The following PTCHD4 variants were observed in gnomAD, a reference collection of about 807,000 sequenced individuals.
PTCHD4 encodes the protein patched domain-containing protein 4.
Under a neutral mutation model 58.1 loss-of-function variants are expected in PTCHD4, and 33 were observed. That is an observed-to-expected ratio of 0.57 (90% CI 0.43 to 0.76). The LOEUF is 0.76. Among genes scored for constraint, PTCHD4 ranks in the 30% least tolerant of loss-of-function variants. The probability of loss-of-function intolerance (pLI) is 0.00; values close to 1 mark genes in which losing one functional copy is unlikely to be tolerated. For synonymous variants in PTCHD4, 478 were observed against 409.6 expected, an observed-to-expected ratio of 1.17 and a Z score of -2.02; for missense variants, 1,058 against 1,027.1, an observed-to-expected ratio of 1.03 and a Z score of -0.41.
At chr6:48,091,017 T>C (rs1214565363) in intron 1 of PTCHD4, among the ~76,000 whole-genome samples, 1 of 152,168 alleles carries the variant, frequency 6.6e-6, no homozygotes, top group Non-Finnish European at 1.5e-5. Context: ...TTTGAAAATT[T>C]CACAGTAAGC....
At chr6:47,948,831 T>TTA (rs1766514880) in intron 4 of PTCHD4, among the ~76,000 whole-genome samples, 1 of 152,114 alleles carries the variant, frequency 6.6e-6, no homozygotes, top group Non-Finnish European at 1.5e-5. Flanking sequence ...TCCTAGAACT[T>TTA]TATATTTATA....
At chr6:47,990,944 T>C (rs1169779544) in intron 4 of PTCHD4, among the ~76,000 whole-genome samples, 1 of 152,120 alleles carries the variant, frequency 6.6e-6, no homozygotes, top group Non-Finnish European at 1.5e-5. Context: ...AGAAGAAAAT[T>C]AGCAAACTGT....
chr6:47,880,349 T>G (rs1043234408), intron 4 of PTCHD4, among the ~76,000 whole-genome samples: 1 of 152,208 alleles, frequency 6.6e-6, no homozygotes, highest in Admixed American at 6.5e-5. Context: ...ATTCATTGAC[T>G]GACAGTTCCT....
chr6:47,879,486 T>C lies in PTCHD4; in HGVS notation c.1349A>G (p.His450Arg). 2.5e-6 allele frequency: 4 copies of C among 1,613,750 alleles called. No homozygotes were observed. The highest frequency in any genetic ancestry group is 8.5e-7 in the Non-Finnish European group (1 of 1,179,764). ...HHFIQHFLRE[H>R]YNEWITNIYV... is the part of the protein sequence containing the mutation. ...TATATTGGTAATCCATTCATTATAATGTTCACGGAGGAAGTGCTGAATGAA... is the reference window on the plus strand; with the variant it reads ...TATATTGGTAATCCATTCATTATAACGTTCACGGAGGAAGTGCTGAATGAA... Residue 450 changes from histidine (H) to arginine (R), a missense_variant, in exon 5 of 5, where the codon CAT (histidine) becomes CGT (arginine). By Grantham distance (29) the His-to-Arg change is conservative. Transcript: ENST00000339488.
intron 1 of PTCHD4, among the ~76,000 whole-genome samples, chr6:48,107,102 TTA>T (rs369079390): frequency 0.041 from 6,270 of 152,106 alleles, 172 homozygotes; most frequent in Non-Finnish European, 0.062. Flanking sequence ...AAAAACTACT[TTA>T]AAGTTCATAT....
intron 4 of PTCHD4, among the ~76,000 whole-genome samples, chr6:47,965,365 A>G (rs1353231193): frequency 6.6e-6 from 1 of 152,210 alleles, no homozygotes; most frequent in East Asian, 1.9e-4. Flanking sequence ...GTTGTTCTTG[A>G]AGTTTTAAAA....
At position 48,104,471 on chromosome 6, in the gene PTCHD4, C is replaced by A. The variant is rs182535603; in HGVS notation, c.-970+6578G>T. On this transcript the variant is annotated intron_variant, in intron 1 of 4. Coordinates refer to ENST00000339488, the MANE Select transcript of PTCHD4 (RefSeq NM_001384253.1). ...AGGAAGCACTAAACATGGAAAGGAA[C>A]AACCGGTACCAGCCAGTGCAAAAAC... 1.1e-3 allele frequency among the ~76,000 whole-genome samples: 162 copies of A among 152,296 alleles called. 3 individuals carry two copies. In the East Asian group the frequency reaches 0.023, roughly 21 times the overall value.
intron 4 of PTCHD4, among the ~76,000 whole-genome samples, chr6:47,911,517 C>T (rs1176889128): frequency 2.0e-5 from 3 of 152,128 alleles, no homozygotes; most frequent in South Asian, 4.1e-4. Flanking sequence ...CCATATAGGA[C>T]CTTGTGTAAC....
chr6:48,068,964 C>T lies in PTCHD4; in HGVS notation c.-7G>A, dbSNP rs532745582. On this transcript the variant is annotated 5_prime_UTR_variant, in exon 2 of 5. Transcript: ENST00000339488. The surrounding 1 kb of genome is among the most constrained non-coding windows in gnomAD (Gnocchi z 4.2). ...GCGCTGGCTCTCACCGCATGAGCAG[C>T]GTTCCCTCGGTCTAGCCCTTCATCT... Among the ~76,000 whole-genome samples the T allele has an allele frequency of 6.6e-6, 1 of 151,614 alleles. No individual in the cohort carries two copies. The highest frequency in any genetic ancestry group is 2.1e-4 in the South Asian group (1 of 4,756).
chr6:48,043,843 AG>A (rs1167082928), intron 3 of PTCHD4, among the ~76,000 whole-genome samples: 1 of 151,904 alleles, frequency 6.6e-6, no homozygotes, highest in Non-Finnish European at 1.5e-5. Context: ...GAATTCTAGC[AG>A]ATCTTAAGAC....
chr6:48,059,907 G>A (rs534078750), intron 3 of PTCHD4, among the ~76,000 whole-genome samples: 40 of 151,934 alleles, frequency 2.6e-4, no homozygotes, highest in African/African-American at 8.2e-4. Context: ...CCTCTCACCC[G>A]TCAGATCTCT....
Position 47,866,387 on chromosome 6 carries a change from A to G in PTCHD4, c.*11916T>C, listed in dbSNP as rs144727010. On this transcript the variant is annotated 3_prime_UTR_variant, in exon 5 of 5. Coordinates refer to ENST00000339488, the MANE Select transcript of PTCHD4 (RefSeq NM_001384253.1). ...ATGAAGTCTGGGCATTGAGACTTTA[A>G]ACATCTCTCTAGGTCATTCCAAAGT... 1.5e-3 allele frequency among the ~76,000 whole-genome samples: 234 copies of G among 151,958 alleles called. 2 individuals are homozygous for G. The highest frequency in any genetic ancestry group is 5.5e-3 in the African/African-American group (229 of 41,530).
chr6:47,871,011 A>G lies in PTCHD4; in HGVS notation c.*7292T>C, dbSNP rs548899493. Reference sequence around the variant, plus strand: ...AGTGTTAATACATCAAAGTTTCATAATTTCATACATTTAGTCACCCTTCTT... The same window carrying G: ...AGTGTTAATACATCAAAGTTTCATAGTTTCATACATTTAGTCACCCTTCTT... On this transcript the variant is annotated 3_prime_UTR_variant, in exon 5 of 5. Coordinates refer to ENST00000339488, the MANE Select transcript of PTCHD4 (RefSeq NM_001384253.1). 2.6e-5 allele frequency among the ~76,000 whole-genome samples: 4 copies of G among 151,750 alleles called. No homozygotes were observed. The highest frequency in any genetic ancestry group is 2.1e-4 in the South Asian group (1 of 4,824).
chr6:48,021,356 G>A (rs1763064667), intron 3 of PTCHD4, among the ~76,000 whole-genome samples: 1 of 152,020 alleles, frequency 6.6e-6, no homozygotes, highest in South Asian at 2.1e-4. Flanking sequence ...CCTTGCACTT[G>A]GCTAAATGGT....
rs796436096 is a variant in PTCHD4 at position 48,022,920 on chromosome 6, A to G, written c.418-13806T>C. Among the ~76,000 whole-genome samples the G allele has an allele frequency of 5.9e-5, 9 of 152,266 alleles. 1 individual carries two copies. The South Asian group carries it at 1.9e-3, about 32-fold the overall frequency. On this transcript the variant is annotated intron_variant, in intron 3 of 4. Coordinates refer to ENST00000339488, the MANE Select transcript of PTCHD4 (RefSeq NM_001384253.1). ...TTTGTTTTTAATTTCTTGAAAGGAA[A>G]AAAAAAGCATTGCCTTTCTGGTTGT... is the stretch of plus-strand genomic sequence containing the variant.
Position 48,068,626 on chromosome 6 carries a change from A to G in PTCHD4, c.21T>C (p.Pro7=). The change falls in exon 3 of 5, where the codon CCT becomes CCC. Residue 7 remains proline, a synonymous_variant. Coordinates refer to ENST00000339488, the MANE Select transcript of PTCHD4 (RefSeq NM_001384253.1). This position sits in a 1 kb window ranked among gnomAD's most constrained non-coding sequence, Gnocchi z 4.2. MRRPGA[P]ASWIWWRMLR... The stretch of plus-strand genomic sequence containing the variant: ...GCATCCTCCACCAGATCCAGCTCGC[A>G]GGCGCTCCCGGCCGTCTTAAAAAGC... The G allele has an allele frequency of 6.4e-7, 1 of 1,560,052 alleles. No individual in the cohort carries two copies. The highest frequency in any genetic ancestry group is 8.6e-7 in the Non-Finnish European group (1 of 1,157,686).
chr6:48,088,819 G>A (rs1238323704), intron 1 of PTCHD4, among the ~76,000 whole-genome samples: 1 of 152,100 alleles, frequency 6.6e-6, no homozygotes, highest in Non-Finnish European at 1.5e-5. Context: ...CGAGGCGGGT[G>A]GATTACCTGA....
At position 48,069,107 on chromosome 6, in the gene PTCHD4, C is replaced by T. The variant is rs1045836473; in HGVS notation, c.-150G>A. On this transcript the variant is annotated 5_prime_UTR_variant, in exon 2 of 5. Coordinates refer to ENST00000339488, the MANE Select transcript of PTCHD4 (RefSeq NM_001384253.1). ...GGTGCCTAACTGGAACCATGTGCCT[C>T]GGTGTTGTAAGAAGCAGACATGTGC... is the stretch of plus-strand genomic sequence containing the variant. Among the ~76,000 whole-genome samples the T allele has an allele frequency of 8.6e-5, 10 of 116,412 alleles. No individual in the cohort carries two copies. The highest frequency in any genetic ancestry group is 2.4e-4 in the Admixed American group (2 of 8,178). 76.4% of individuals were successfully genotyped at this position (116,412 alleles called of 152,430 possible).
intron 4 of PTCHD4, among the ~76,000 whole-genome samples, chr6:47,906,766 G>T (rs1280215998): frequency 2.0e-5 from 3 of 152,154 alleles, no homozygotes; most frequent in Non-Finnish European, 1.5e-5. Flanking sequence ...ATTTTGCACA[G>T]TTTGGATATA....
Sources: gnomAD v4.1 joint callset for allele counts (sites outside exome capture counted in the v4.1 genomes callset) on GRCh38, gnomAD v4.1.1 for gene constraint, Gnocchi (gnomAD v3.1) non-coding constraint, MANE v1.5 for transcripts, NCBI Gene and HGNC (gene_info 2026-07-23, HGNC 2026-07-21) for gene names.